LOC128462377: variants seen among roughly 807,000 people sequenced by gnomAD.
At chr16:89,378,725 G>A in the LOC128462377 span, among the ~76,000 whole-genome samples, 8 of 152,208 alleles carry the variant, frequency 5.3e-5, no homozygotes, top group Admixed American at 4.6e-4. Flanking sequence ...GATTACAGGT[G>A]TGTGCCACCA....
chr16:89,323,229 A>G, the LOC128462377 span: 4 of 1,145,654 alleles, frequency 3.5e-6, no homozygotes, highest in South Asian at 5.1e-5. Context: ...GGAGGAAAAA[A>G]GAAAAAAGGA....
At chr16:89,382,636 C>T in the LOC128462377 span, among the ~76,000 whole-genome samples, 7 of 151,896 alleles carry the variant, frequency 4.6e-5, no homozygotes, top group Middle Eastern at 0.01. Context: ...CACACTTGGC[C>T]GACAAATAAA....
chr16:89,317,858 T>G, the LOC128462377 span, among the ~76,000 whole-genome samples: 4 of 152,210 alleles, frequency 2.6e-5, no homozygotes. Flanking sequence ...GGCAAATTCC[T>G]AGATAGCCAA....
chr16:89,417,623 C>G, the LOC128462377 span, among the ~76,000 whole-genome samples: 1 of 152,332 alleles, frequency 6.6e-6, no homozygotes, highest in Admixed American at 6.5e-5. Context: ...TGGTCTCCAG[C>G]TCCTAGGAAA....
the LOC128462377 span, among the ~76,000 whole-genome samples, chr16:89,363,534 A>G: frequency 6.6e-6 from 1 of 152,228 alleles, no homozygotes; most frequent in Non-Finnish European, 1.5e-5. Context: ...CAAGGGGGAA[A>G]AAAAACCTTA....
chr16:89,340,782 G>C, the LOC128462377 span, among the ~76,000 whole-genome samples: 1 of 152,220 alleles, frequency 6.6e-6, no homozygotes, highest in Admixed American at 6.5e-5. Flanking sequence ...AGGGCCCAGA[G>C]AGCTCTGAAA....
At chr16:89,368,624 AG>A in the LOC128462377 span, among the ~76,000 whole-genome samples, 1 of 149,336 alleles carries the variant, frequency 6.7e-6, no homozygotes, top group Admixed American at 6.6e-5. Context: ...AAAAAAAAAA[AG>A]GGCTGGGTGC....
chr16:89,370,505 A>G, the LOC128462377 span, among the ~76,000 whole-genome samples: 1 of 152,270 alleles, frequency 6.6e-6, no homozygotes, highest in East Asian at 1.9e-4. Flanking sequence ...CCCCCAACCA[A>G]GCAAAGAGAA....
chr16:89,340,465 G>C, the LOC128462377 span, among the ~76,000 whole-genome samples: 1 of 152,130 alleles, frequency 6.6e-6, no homozygotes, highest in Non-Finnish European at 1.5e-5. Flanking sequence ...AGTAGAGATG[G>C]GGTTTCACAA....
At chr16:89,409,793 C>G in the LOC128462377 span, among the ~76,000 whole-genome samples, 23 of 151,922 alleles carry the variant, frequency 1.5e-4, no homozygotes, top group Non-Finnish European at 8.8e-5. Flanking sequence ...CACATCTAAA[C>G]TGGCATCTTT....
At chr16:89,378,017 GCTTA>G in the LOC128462377 span, among the ~76,000 whole-genome samples, 1 of 151,934 alleles carries the variant, frequency 6.6e-6, no homozygotes, top group South Asian at 2.1e-4. Context: ...CTTTTCTCTA[GCTTA>G]CTTTACTGTA....
the LOC128462377 span, among the ~76,000 whole-genome samples, chr16:89,415,202 C>T: frequency 1.3e-5 from 2 of 151,966 alleles, no homozygotes; most frequent in East Asian, 1.9e-4. Context: ...GATCTACCCA[C>T]CCCTTCCTCC....
At chr16:89,329,914 T>G in the LOC128462377 span, among the ~76,000 whole-genome samples, 7 of 151,900 alleles carry the variant, frequency 4.6e-5, no homozygotes, top group East Asian at 9.7e-4. Context: ...GCTGAGGCAC[T>G]GGGAGGCAGA....
At chr16:89,408,994 A>G in the LOC128462377 span, among the ~76,000 whole-genome samples, 3 of 152,036 alleles carry the variant, frequency 2.0e-5, no homozygotes, top group African/African-American at 7.3e-5. Flanking sequence ...GGCGGCCCCA[A>G]CCCTGCCTCT....
the LOC128462377 span, among the ~76,000 whole-genome samples, chr16:89,329,995 A>AAAAAC: frequency 6.8e-6 from 1 of 146,212 alleles, no homozygotes; most frequent in East Asian, 2.0e-4. Context: ...ACCTTGTCTC[A>AAAAAC]AAAATAAAAT....
chr16:89,326,988 G>C, the LOC128462377 span, among the ~76,000 whole-genome samples: 1 of 152,040 alleles, frequency 6.6e-6, no homozygotes, highest in African/African-American at 2.4e-5. Context: ...GGGCAATGCA[G>C]AGGTGGGGAA....
the LOC128462377 span, among the ~76,000 whole-genome samples, chr16:89,388,813 C>A: frequency 5.9e-5 from 9 of 152,194 alleles, no homozygotes; most frequent in Admixed American, 1.3e-4. Flanking sequence ...CTGGAAGGCA[C>A]TGCCACAGCC....
At chr16:89,346,564 G>C in the LOC128462377 span, among the ~76,000 whole-genome samples, 1 of 152,234 alleles carries the variant, frequency 6.6e-6, no homozygotes, top group Non-Finnish European at 1.5e-5. Flanking sequence ...TGAAGTGACA[G>C]TGCAGTTCAG....
chr16:89,417,685 C>T, the LOC128462377 span, among the ~76,000 whole-genome samples: 1 of 152,160 alleles, frequency 6.6e-6, no homozygotes, highest in African/African-American at 2.4e-5. Flanking sequence ...CCCAGAAGCA[C>T]AGGACAGCCC....
Sources: allele counts gnomAD v4.1 joint callset (sites outside exome capture counted in the v4.1 genomes callset), GRCh38; gene constraint gnomAD v4.1.1; transcripts MANE v1.5.